Variants in RBM47 observed in about 807,000 individuals in gnomAD.
RBM47 encodes the protein RNA-binding protein 47.
A neutral mutation model predicts 47.1 loss-of-function variants in RBM47; 21 were observed. That is an observed-to-expected ratio of 0.45 (90% CI 0.32 to 0.64). The LOEUF (loss-of-function observed/expected upper bound fraction) is 0.64, where lower values mean the gene tolerates loss of function less well. Among genes scored for constraint, RBM47 ranks in the 30% least tolerant of loss-of-function variants. The probability of loss-of-function intolerance (pLI) is 0.05; values close to 1 mark genes in which losing one functional copy is unlikely to be tolerated. For synonymous variants in RBM47, 375 were observed against 361.7 expected, an observed-to-expected ratio of 1.04 and a Z score of -0.42; for missense variants, 708 against 870.9, an observed-to-expected ratio of 0.81 and a Z score of 2.35.
At position 40,526,370 on chromosome 4, in the gene RBM47, G is replaced by A. The variant is rs150896683; in HGVS notation, c.-155+18052C>T. Among the ~76,000 whole-genome samples the A allele has an allele frequency of 5.7e-3, 862 of 152,142 alleles. 12 individuals are homozygous for A. The highest frequency in any genetic ancestry group is 0.02 in the African/African-American group (834 of 41,444). ...AGAGAAGATAGAGTTTAATTCCATG[G>A]TGTTTGAGTCACAGGACCTTAGAAC... On this transcript the variant is annotated intron_variant, in intron 2 of 6. Coordinates refer to ENST00000295971, the MANE Select transcript of RBM47 (RefSeq NM_001098634.2).
At chr4:40,563,491 G>T (rs191077176) in intron 1 of RBM47, among the ~76,000 whole-genome samples, 20 of 152,230 alleles carry the variant, frequency 1.3e-4, no homozygotes, top group Admixed American at 1.2e-3. Context: ...TCTTAAAACC[G>T]CAAAATACCT....
chr4:40,431,589 C>G (rs544509028), intron 6 of RBM47, among the ~76,000 whole-genome samples: 1 of 149,676 alleles, frequency 6.7e-6, no homozygotes, highest in Non-Finnish European at 1.5e-5. Flanking sequence ...ACCTGGGAGG[C>G]GGAGCTTGCA....
At chr4:40,526,779 C>A (rs1726753735) in intron 2 of RBM47, among the ~76,000 whole-genome samples, 1 of 141,964 alleles carries the variant, frequency 7.0e-6, no homozygotes, top group Non-Finnish European at 1.5e-5. Flanking sequence ...CTGTGCTGCC[C>A]AGTTTGGTTC....
chr4:40,575,379 C>T (rs1457951656), intron 1 of RBM47, among the ~76,000 whole-genome samples: 3 of 151,906 alleles, frequency 2.0e-5, no homozygotes, highest in Non-Finnish European at 4.4e-5. Context: ...TGGAGAAACC[C>T]GGTCTCTACT....
At chr4:40,430,203 A>G (rs995741679) in intron 6 of RBM47, among the ~76,000 whole-genome samples, 3 of 128,318 alleles carry the variant, frequency 2.3e-5, no homozygotes, top group African/African-American at 3.8e-5. Context: ...GCAAAAAACA[A>G]ACAAACAAAC....
chr4:40,440,897 A>G (rs1713519350), intron 3 of RBM47, among the ~76,000 whole-genome samples: 1 of 152,216 alleles, frequency 6.6e-6, no homozygotes, highest in Non-Finnish European at 1.5e-5. Flanking sequence ...CAAACTTTTG[A>G]GTAAAATCTT....
In RBM47 at chr4:40,424,701, A is replaced by G. The variant is rs1214260869; in HGVS notation, c.*1203T>C. On this transcript the variant is annotated 3_prime_UTR_variant, in exon 7 of 7. Coordinates refer to ENST00000295971, the MANE Select transcript of RBM47 (RefSeq NM_001098634.2). ...AAACATAATGTTTCCAACACCCTTGAGGACCATGGACAGTTTTGCAAGAAA... is the reference window on the plus strand; with the variant it reads ...AAACATAATGTTTCCAACACCCTTGGGGACCATGGACAGTTTTGCAAGAAA... The G allele has an allele frequency of 1.3e-5, 2 of 152,184 alleles. No homozygotes were observed. Among genetic ancestry groups the G allele is most frequent in the Non-Finnish European group, 2.9e-5 (2 of 68,030 alleles). The allele number at this position is 152,184 out of a possible 1,614,324, so 9.4% of individuals were successfully genotyped here. A position where few individuals can be genotyped will look rare whatever the true frequency, so the allele number is the denominator to read the frequency against.
intron 2 of RBM47, among the ~76,000 whole-genome samples, chr4:40,528,307 GC>G (rs1726958161): frequency 6.6e-6 from 1 of 152,122 alleles, no homozygotes; most frequent in African/African-American, 2.4e-5. Flanking sequence ...TACTTGGGAG[GC>G]TGAGGCAGGA....
chr4:40,579,768 G>C (rs1732706248), intron 1 of RBM47, among the ~76,000 whole-genome samples: 1 of 142,448 alleles, frequency 7.0e-6, no homozygotes, highest in South Asian at 2.2e-4. Context: ...TTTTTTTTGA[G>C]ACTAGGTCTC....
chr4:40,560,695 G>T lies in RBM47; in HGVS notation c.-239-16189C>A, dbSNP rs553719757. On this transcript the variant is annotated intron_variant, in intron 1 of 6. Coordinates refer to ENST00000295971, the MANE Select transcript of RBM47 (RefSeq NM_001098634.2). Reference sequence around the variant, plus strand: ...AAAAAGTTGCTGCTAGGCTGGGCGTGGTGGCTCATGCCTGTAATCCCAGCA... The same window carrying T: ...AAAAAGTTGCTGCTAGGCTGGGCGTTGTGGCTCATGCCTGTAATCCCAGCA... Among the ~76,000 whole-genome samples, 431 of 152,254 alleles carry T rather than the reference G, an allele frequency of 2.8e-3. 1 individual carries two copies. Among genetic ancestry groups the T allele is most frequent in the African/African-American group, 9.8e-3 (407 of 41,556 alleles).
intron 2 of RBM47, among the ~76,000 whole-genome samples, chr4:40,469,556 C>A (rs1718545911): frequency 6.6e-6 from 1 of 151,726 alleles, no homozygotes; most frequent in South Asian, 2.1e-4. Flanking sequence ...GTCTCAGCCT[C>A]CTGAGTAGCT....
intron 2 of RBM47, among the ~76,000 whole-genome samples, chr4:40,535,376 T>TTTTTTTTTTTTTCTTTTTTTTC (rs1208864385): frequency 3.0e-5 from 4 of 134,924 alleles, no homozygotes; most frequent in East Asian, 2.2e-4. Flanking sequence ...TATTTCTTTT[T>TTTTTTTTTTTTTCTTTTTTTTC]TTTTTTTTTT....
chr4:40,555,513 C>G (rs1400054932), intron 1 of RBM47, among the ~76,000 whole-genome samples: 1 of 152,184 alleles, frequency 6.6e-6, no homozygotes, highest in African/African-American at 2.4e-5. Flanking sequence ...ACACAGGGTA[C>G]GTGCAACATA....
chr4:40,535,371 CTTTTTTTTT>C (rs1177127352), intron 2 of RBM47, among the ~76,000 whole-genome samples: 2 of 103,460 alleles, frequency 1.9e-5, no homozygotes, highest in South Asian at 6.6e-4. Context: ...TATGGTATTT[CTTTTTTTTT>C]TTTTTTTTTT....
At chr4:40,509,725 C>CAAA (rs57061272) in intron 2 of RBM47, among the ~76,000 whole-genome samples, 1 of 147,600 alleles carries the variant, frequency 6.8e-6, no homozygotes, top group African/African-American at 2.5e-5. Context: ...ACTAAAAATA[C>CAAA]AAAAAAAAAA....
At chr4:40,545,320 G>A (rs1225879504) in intron 1 of RBM47, among the ~76,000 whole-genome samples, 1 of 149,298 alleles carries the variant, frequency 6.7e-6, no homozygotes, top group Non-Finnish European at 1.5e-5. Context: ...CAAAGTGCTG[G>A]GATTACAGGC....
intron 2 of RBM47, among the ~76,000 whole-genome samples, chr4:40,511,123 G>A (rs576191794): frequency 6.6e-6 from 1 of 152,308 alleles, no homozygotes; most frequent in Admixed American, 6.5e-5. Context: ...CCAAGTGTCT[G>A]AAGGTTCCTC....
At chr4:40,431,029 A>G (rs1715907267) in intron 6 of RBM47, among the ~76,000 whole-genome samples, 1 of 152,112 alleles carries the variant, frequency 6.6e-6, no homozygotes, top group East Asian at 1.9e-4. Flanking sequence ...GGTTGCAGTG[A>G]GCCATGCACT....
chr4:40,457,795 A>T (rs1716524630), intron 3 of RBM47, among the ~76,000 whole-genome samples: 1 of 152,146 alleles, frequency 6.6e-6, no homozygotes, highest in Non-Finnish European at 1.5e-5. Flanking sequence ...GATTAAGTTT[A>T]AAAAAATTTT....
Sources: gnomAD v4.1 joint callset for allele counts (sites outside exome capture counted in the v4.1 genomes callset) on GRCh38, gnomAD v4.1.1 for gene constraint, MANE v1.5 for transcripts, NCBI Gene and HGNC (gene_info 2026-07-23, HGNC 2026-07-21) for gene names.